The following TOM1L2 variants were observed in gnomAD, a reference collection of about 807,000 sequenced individuals.
TOM1L2 encodes the protein TOM1-like protein 2.
TOM1L2 carries 31 observed loss-of-function variants against 67.9 expected under a neutral mutation model. The observed-to-expected ratio is 0.46, with a 90% confidence interval of 0.34 to 0.62. The LOEUF (loss-of-function observed/expected upper bound fraction) is 0.62. TOM1L2 is among the 20% of genes least tolerant of loss of function. TOM1L2 has a pLI of 0.01. For synonymous variants in TOM1L2, 256 were observed against 254.0 expected, an observed-to-expected ratio of 1.01 and a Z score of -0.07; for missense variants, 606 against 663.5, an observed-to-expected ratio of 0.91 and a Z score of 0.95.
intron 13 of TOM1L2, among the ~76,000 whole-genome samples, chr17:17,849,775 G>T (rs1050068321): frequency 6.6e-6 from 1 of 152,166 alleles, no homozygotes; most frequent in Non-Finnish European, 1.5e-5. Context: ...TGGACCCTGG[G>T]GTCCCCCTTA....
chr17:17,948,563 A>T (rs1471405115), intron 1 of TOM1L2, among the ~76,000 whole-genome samples: 2 of 152,114 alleles, frequency 1.3e-5, no homozygotes, highest in African/African-American at 4.8e-5. Flanking sequence ...AAGGCAGGAG[A>T]ATGACTTGAA....
At chr17:17,927,119 C>T (rs1568299654) in intron 1 of TOM1L2, among the ~76,000 whole-genome samples, 1 of 152,180 alleles carries the variant, frequency 6.6e-6, no homozygotes, top group Non-Finnish European at 1.5e-5. Context: ...ATTTTCCTAG[C>T]TTTTCGGATT....
chr17:17,868,284 G>C (rs1010201262), intron 8 of TOM1L2, among the ~76,000 whole-genome samples: 1 of 152,222 alleles, frequency 6.6e-6, no homozygotes, highest in African/African-American at 2.4e-5. Context: ...GGTGGGCACA[G>C]AGCCACTGGT....
At chr17:17,854,518 T>G (rs1014670953) in intron 12 of TOM1L2, among the ~76,000 whole-genome samples, 15 of 151,986 alleles carry the variant, frequency 9.9e-5, no homozygotes, top group South Asian at 2.1e-4. Context: ...TATTTAGTTA[T>G]TTATTTAATT....
intron 1 of TOM1L2, among the ~76,000 whole-genome samples, chr17:17,910,716 C>A (rs748605305): frequency 6.6e-6 from 1 of 152,026 alleles, no homozygotes; most frequent in African/African-American, 2.4e-5. Context: ...ATTACAGGCA[C>A]GTGCCACCAT....
intron 1 of TOM1L2, among the ~76,000 whole-genome samples, chr17:17,962,271 CA>C (rs2041712442): frequency 1.3e-5 from 2 of 151,526 alleles, no homozygotes. Flanking sequence ...GATATTGTTT[CA>C]CTTTTGCAAG....
intron 12 of TOM1L2, among the ~76,000 whole-genome samples, chr17:17,854,405 G>A (rs2036154918): frequency 6.6e-6 from 1 of 152,198 alleles, no homozygotes. Flanking sequence ...GCCCTTAGGA[G>A]GCCTCGGTAT....
At chr17:17,847,934 G>A in intron 14 of TOM1L2, 151 bp from the exon 15 acceptor site, 1 of 980,644 alleles carries the variant, frequency 1.0e-6, no homozygotes, top group Non-Finnish European at 1.6e-6. Context: ...GTGAGCTGCA[G>A]TGTGGGGGGA....
At chr17:17,888,438 T>C (rs894979027) in intron 4 of TOM1L2, among the ~76,000 whole-genome samples, 9 of 152,186 alleles carry the variant, frequency 5.9e-5, no homozygotes, top group African/African-American at 1.4e-4. Context: ...CAATAAACCA[T>C]TGCTGATTTA....
At chr17:17,918,472 C>T (rs1215302766) in intron 1 of TOM1L2, among the ~76,000 whole-genome samples, 2 of 152,136 alleles carry the variant, frequency 1.3e-5, no homozygotes, top group African/African-American at 4.8e-5. Context: ...CAGTCATACA[C>T]CATGAGAGCA....
At chr17:17,850,747 G>A (rs1198618788) in intron 13 of TOM1L2, 146 bp downstream of exon 13, 2 of 813,218 alleles carry the variant, frequency 2.5e-6, no homozygotes, top group African/African-American at 1.7e-5. Flanking sequence ...CGGGGAGGAG[G>A]GGCAGCTATG....
intron 3 of TOM1L2, 60 bp downstream of exon 3, chr17:17,898,536 C>G: frequency 6.3e-7 from 1 of 1,579,092 alleles, no homozygotes; most frequent in South Asian, 1.1e-5. Context: ...GTGAGGGGGG[C>G]AAGGCCAGGA....
chr17:17,861,619 G>A (rs573795435), intron 11 of TOM1L2, 68 bp from the exon 12 acceptor site: 1 of 1,392,942 alleles, frequency 7.2e-7, no homozygotes, highest in African/African-American at 1.4e-5. Flanking sequence ...ATGGGGTAGT[G>A]GCCTGTAATC....
intron 3 of TOM1L2, among the ~76,000 whole-genome samples, chr17:17,895,654 G>T (rs1387162101): frequency 1.3e-5 from 2 of 152,220 alleles, no homozygotes; most frequent in Non-Finnish European, 2.9e-5. Flanking sequence ...GCTGTGATTA[G>T]CCTTCTCTGG....
At chr17:17,911,287 G>C (rs1000670022) in intron 1 of TOM1L2, among the ~76,000 whole-genome samples, 4 of 151,996 alleles carry the variant, frequency 2.6e-5, no homozygotes, top group Non-Finnish European at 5.9e-5. Context: ...CTGATTACCC[G>C]AGCTCAGGCC....
At chr17:17,865,603 T>G (rs1040135609) in intron 10 of TOM1L2, among the ~76,000 whole-genome samples, 2 of 151,988 alleles carry the variant, frequency 1.3e-5, no homozygotes, top group African/African-American at 4.8e-5. Flanking sequence ...GGTCTCAAAC[T>G]CCTGACCTCA....
intron 1 of TOM1L2, among the ~76,000 whole-genome samples, chr17:17,955,325 CT>C (rs67575563): frequency 0.051 from 5,527 of 108,104 alleles, 69 homozygotes; most frequent in African/African-American, 0.15. Flanking sequence ...CACACAATTC[CT>C]TTTTTTTTTT....
At chr17:17,882,222 T>A in intron 6 of TOM1L2, among the ~76,000 whole-genome samples, 1 of 152,176 alleles carries the variant, frequency 6.6e-6, no homozygotes, top group East Asian at 1.9e-4. Flanking sequence ...AGCCTCTGCA[T>A]GATAGACAAG....
intron 1 of TOM1L2, among the ~76,000 whole-genome samples, chr17:17,911,834 A>T: frequency 6.8e-6 from 1 of 146,604 alleles, no homozygotes; most frequent in Non-Finnish European, 1.5e-5. Context: ...TGGGTACTTG[A>T]GATTAGGGAG....
Sources: gnomAD v4.1 joint callset for allele counts (sites outside exome capture counted in the v4.1 genomes callset) on GRCh38, gnomAD v4.1.1 for gene constraint, MANE v1.5 for transcripts, NCBI Gene and HGNC (gene_info 2026-07-23, HGNC 2026-07-21) for gene names.